The following GLCE variants were observed in gnomAD, a reference collection of about 807,000 sequenced individuals.
The protein encoded by GLCE is D-glucuronyl C5-epimerase.
GLCE carries 19 observed loss-of-function variants against 47.9 expected under a neutral mutation model. The observed-to-expected ratio is 0.40, with a 90% CI of 0.28 to 0.58. The LOEUF (loss-of-function observed/expected upper bound fraction) is 0.58, where lower values mean the gene tolerates loss of function less well. GLCE is among the 20% of genes least tolerant of loss of function. GLCE has a pLI of 0.48. For synonymous variants in GLCE, 245 were observed against 263.4 expected, an observed-to-expected ratio of 0.93 and a Z score of 0.68; for missense variants, 556 against 743.3, an observed-to-expected ratio of 0.75 and a Z score of 2.93.
chr15:69,251,152 C>T (rs1420319566), intron 2 of GLCE, among the ~76,000 whole-genome samples: 2 of 152,194 alleles, frequency 1.3e-5, no homozygotes, highest in Non-Finnish European at 1.5e-5. Context: ...GTTGCTTCCT[C>T]CTTTAACTTG....
At chr15:69,251,942 T>TA (rs1182303739) in intron 2 of GLCE, among the ~76,000 whole-genome samples, 1 of 152,208 alleles carries the variant, frequency 6.6e-6, no homozygotes, top group Non-Finnish European at 1.5e-5. Context: ...CAATTAGCAA[T>TA]AATTTTCTAA....
intron 1 of GLCE, among the ~76,000 whole-genome samples, chr15:69,174,611 AAAAAC>A (rs142688156): frequency 0.023 from 3,452 of 152,180 alleles, 122 homozygotes; most frequent in African/African-American, 0.073. Context: ...ACTATGTCTA[AAAAAC>A]AAAACAAAAC....
At chr15:69,184,131 T>C (rs1449945196) in intron 1 of GLCE, among the ~76,000 whole-genome samples, 1 of 152,244 alleles carries the variant, frequency 6.6e-6, no homozygotes, top group African/African-American at 2.4e-5. Flanking sequence ...GCATTCTCTA[T>C]ATTTTAACAT....
chr15:69,215,699 G>A (rs560049499), intron 2 of GLCE, among the ~76,000 whole-genome samples: 1 of 152,216 alleles, frequency 6.6e-6, no homozygotes, highest in African/African-American at 2.4e-5. Context: ...ATACAATTTT[G>A]CATTCCTGCC....
At chr15:69,253,006 A>C (rs1277045182) in intron 2 of GLCE, among the ~76,000 whole-genome samples, 1 of 152,216 alleles carries the variant, frequency 6.6e-6, no homozygotes, top group African/African-American at 2.4e-5. Flanking sequence ...CCAGCAAAAT[A>C]AAATGTTTAA....
At chr15:69,251,409 T>C (rs1053752581) in intron 2 of GLCE, among the ~76,000 whole-genome samples, 9 of 152,180 alleles carry the variant, frequency 5.9e-5, no homozygotes, top group African/African-American at 2.2e-4. Flanking sequence ...AAATAACATA[T>C]TTGGTGTTAC....
At position 69,255,841 on chromosome 15, in the gene GLCE, C is replaced by T; in HGVS notation, c.35C>T (p.Thr12Ile). 1 of 1,613,326 alleles carries T rather than the reference C, an allele frequency of 6.2e-7. No individual in the cohort carries two copies. The highest frequency in any genetic ancestry group is 8.5e-7 in the Non-Finnish European group (1 of 1,179,484). ...TTGGCAGCTCGGGTCAACTATAAGA[C>T]TTTGATTATTATCTGCGCACTCTTC... ...RCLAARVNYK[T>I]LIIICALFTL... Residue 12 changes from threonine to isoleucine, a missense_variant, in exon 3 of 5, where the codon ACT becomes ATT. Transcript: ENST00000261858.
At chr15:69,187,843 G>A (rs904271453) in intron 1 of GLCE, among the ~76,000 whole-genome samples, 7 of 151,976 alleles carry the variant, frequency 4.6e-5, no homozygotes, top group African/African-American at 1.7e-4. Flanking sequence ...CGGGTGGATT[G>A]CTTGAAGTCA....
chr15:69,220,048 A>G (rs12903301), intron 2 of GLCE, among the ~76,000 whole-genome samples: 21,527 of 152,130 alleles, frequency 0.14, 1,765 homozygotes, highest in Non-Finnish European at 0.19. Flanking sequence ...CATATATCAT[A>G]ATTTCCTTTC....
chr15:69,202,919 T>TTATTTCTA (rs1459798383), intron 1 of GLCE, among the ~76,000 whole-genome samples: 1 of 152,154 alleles, frequency 6.6e-6, no homozygotes, highest in East Asian at 1.9e-4. Flanking sequence ...AAATATATTT[T>TTATTTCTA]ATATAAAACT....
intron 2 of GLCE, among the ~76,000 whole-genome samples, chr15:69,241,325 T>A (rs2052668656): frequency 6.6e-6 from 1 of 152,198 alleles, no homozygotes; most frequent in Non-Finnish European, 1.5e-5. Flanking sequence ...TCTGCAAGAC[T>A]TCAAAATATA....
chr15:69,251,125 C>T (rs2052838693), intron 2 of GLCE, among the ~76,000 whole-genome samples: 1 of 152,152 alleles, frequency 6.6e-6, no homozygotes, highest in South Asian at 2.1e-4. Context: ...GGATGTCTCA[C>T]CTTCTAGAAG....
intron 2 of GLCE, among the ~76,000 whole-genome samples, chr15:69,224,385 C>T (rs1008988599): frequency 1.3e-5 from 2 of 152,122 alleles, no homozygotes; most frequent in Non-Finnish European, 2.9e-5. Flanking sequence ...TCCATATTTA[C>T]AGTTGTTTTT....
intron 1 of GLCE, among the ~76,000 whole-genome samples, chr15:69,199,271 T>A (rs2052043000): frequency 6.6e-6 from 1 of 152,170 alleles, no homozygotes; most frequent in African/African-American, 2.4e-5. Context: ...ATGCAGTATA[T>A]TTTAATAGGA....
Position 69,255,868 on chromosome 15 carries a change from C to T in GLCE, c.62C>T (p.Thr21Ile), listed in dbSNP as rs765792674. 8.1e-6 allele frequency: 13 copies of T among 1,614,062 alleles called. No homozygotes were observed. The East Asian group carries it at 2.5e-4, about 30-fold the overall frequency. Reference sequence around the variant, plus strand: ...TTGATTATTATCTGCGCACTCTTCACTTTGGTCACAGTACTTTTGTGGAAT... The same window carrying T: ...TTGATTATTATCTGCGCACTCTTCATTTTGGTCACAGTACTTTTGTGGAAT... ...KTLIIICALFTLVTVLLWNKC... is the reference protein window; with the variant it reads ...KTLIIICALFILVTVLLWNKC... Residue 21 changes from threonine to isoleucine, a missense_variant, in exon 3 of 5, where the codon ACT (threonine) becomes ATT (isoleucine). Thr to Ile is a moderately conservative substitution (Grantham distance 89, BLOSUM62 -1). This residue lies in a region of GLCE where 237 missense variants were observed against 310.9 expected (regional missense o/e 0.76). Transcript: ENST00000261858.
chr15:69,174,100 C>CA (rs1566946712), intron 1 of GLCE, among the ~76,000 whole-genome samples: 2 of 152,178 alleles, frequency 1.3e-5, no homozygotes, highest in East Asian at 3.9e-4. Context: ...CAAAGTGATC[C>CA]ACCTGCCTTG....
Position 69,256,256 on chromosome 15 carries a change from T to G in GLCE, c.450T>G (p.Asp150Glu). Residue 150 changes from aspartate to glutamate, a missense_variant, in exon 3 of 5, where the codon GAT becomes GAG. Physicochemically the swap from Asp to Glu is conservative, Grantham distance 45. Around this residue, in one of 3 missense-constraint regions of GLCE, gnomAD observed 237 missense variants for 310.9 expected, o/e 0.76. Transcript: ENST00000261858. ...YGKVVQYDGY[D>E]RFEFSHSYSK... ...AGGTGGTTCAGTATGATGGCTATGA[T>G]CGGTTTGAATTCTCTCATAGCTATT... The G allele has an allele frequency of 6.2e-7, 1 of 1,613,980 alleles. No individual in the cohort carries two copies. Among genetic ancestry groups the G allele is most frequent in the African/African-American group, 1.3e-5 (1 of 75,034 alleles).
At chr15:69,228,698 T>C (rs1329810791) in intron 2 of GLCE, among the ~76,000 whole-genome samples, 1 of 152,206 alleles carries the variant, frequency 6.6e-6, no homozygotes, top group Admixed American at 6.5e-5. Flanking sequence ...TAAATTTCTT[T>C]CTTTTTCTTT....
At chr15:69,200,820 ATCCAGG>A (rs1302163943) in intron 1 of GLCE, among the ~76,000 whole-genome samples, 1 of 152,132 alleles carries the variant, frequency 6.6e-6, no homozygotes, top group African/African-American at 2.4e-5. Flanking sequence ...CAGTAGGCCA[ATCCAGG>A]TCTCATTGGG....
Sources: gnomAD v4.1 joint callset for allele counts (sites outside exome capture counted in the v4.1 genomes callset) on GRCh38, gnomAD v4.1.1 for gene constraint, gnomAD v4.1.1 regional missense constraint, MANE v1.5 for transcripts, NCBI Gene and HGNC (gene_info 2026-07-23, HGNC 2026-07-21) for gene names.